EML6: variants seen among roughly 807,000 people sequenced by gnomAD.
EML6 encodes the protein echinoderm microtubule-associated protein-like 6.
Under a neutral mutation model 240.1 loss-of-function variants are expected in EML6, and 154 were observed. That is an observed-to-expected ratio of 0.64 (90% CI 0.56 to 0.73). The LOEUF (loss-of-function observed/expected upper bound fraction) is 0.73. Ranked by LOEUF, EML6 falls within the 30% of genes least tolerant of loss-of-function variation. The probability of loss-of-function intolerance (pLI) is 0.00; values close to 1 mark genes in which losing one functional copy is unlikely to be tolerated. For synonymous variants in EML6, 1,148 were observed against 899.0 expected, an observed-to-expected ratio of 1.28 and a Z score of -4.95; for missense variants, 2,964 against 2,474.6, an observed-to-expected ratio of 1.20 and a Z score of -4.20.
At chr2:54,946,975 G>T (rs1573197658) in intron 28 of EML6, among the ~76,000 whole-genome samples, 1 of 150,556 alleles carries the variant, frequency 6.6e-6, no homozygotes, top group African/African-American at 2.4e-5. Flanking sequence ...ACAATCTCCT[G>T]TATATATAAA....
chr2:54,918,047 T>C (rs1674024573), intron 26 of EML6, among the ~76,000 whole-genome samples: 1 of 152,208 alleles, frequency 6.6e-6, no homozygotes, highest in South Asian at 2.1e-4. Flanking sequence ...TAGACGTCAA[T>C]CTCAAAAATG....
At chr2:54,928,833 C>G (rs181060918) in intron 28 of EML6, 82 bp downstream of exon 28, 8 of 1,479,160 alleles carry the variant, frequency 5.4e-6, no homozygotes, top group Non-Finnish European at 7.4e-6. Context: ...TTTCTTTGCC[C>G]TCAAAGTTGC....
At chr2:54,896,169 A>G (rs1319114268) in intron 21 of EML6, among the ~76,000 whole-genome samples, 1 of 152,188 alleles carries the variant, frequency 6.6e-6, no homozygotes, top group Non-Finnish European at 1.5e-5. Flanking sequence ...GCCTTATCAC[A>G]TTACAGGATC....
chr2:54,923,447 G>A (rs1674373048), intron 26 of EML6, among the ~76,000 whole-genome samples: 2 of 149,776 alleles, frequency 1.3e-5, no homozygotes, highest in South Asian at 2.1e-4. Context: ...TACCTTGATT[G>A]TAGTAATTAT....
chr2:54,816,091 C>G (rs1258648660), intron 3 of EML6, among the ~76,000 whole-genome samples: 4 of 152,192 alleles, frequency 2.6e-5, no homozygotes, highest in Non-Finnish European at 4.4e-5. Flanking sequence ...GTTCAGATTT[C>G]TTACATAATA....
intron 28 of EML6, among the ~76,000 whole-genome samples, chr2:54,936,250 T>C (rs1001024792): frequency 6.6e-6 from 1 of 152,262 alleles, no homozygotes; most frequent in Non-Finnish European, 1.5e-5. Flanking sequence ...ATAATTGATA[T>C]GTAGCATCTA....
intron 39 of EML6, 105 bp from the exon 40 acceptor site, chr2:54,968,023 A>T: frequency 2.6e-6 from 3 of 1,150,042 alleles, no homozygotes; most frequent in Non-Finnish European, 3.7e-6. Flanking sequence ...GGGACCCCTG[A>T]TGTTAAACAT....
intron 28 of EML6, among the ~76,000 whole-genome samples, chr2:54,939,737 A>G (rs1186165341): frequency 6.6e-6 from 1 of 152,134 alleles, no homozygotes; most frequent in Non-Finnish European, 1.5e-5. Context: ...TTCATACAAG[A>G]GATGGTTGTC....
intron 16 of EML6, among the ~76,000 whole-genome samples, chr2:54,877,464 A>G (rs1487040831): frequency 6.6e-6 from 1 of 152,218 alleles, no homozygotes; most frequent in Non-Finnish European, 1.5e-5. Flanking sequence ...AGTCTTAAAA[A>G]AAAGCTTATG....
intron 28 of EML6, among the ~76,000 whole-genome samples, chr2:54,943,626 C>T (rs1008932506): frequency 6.6e-6 from 1 of 152,120 alleles, no homozygotes; most frequent in African/African-American, 2.4e-5. Flanking sequence ...TCCAGTGACT[C>T]TCCTCTCTCT....
At chr2:54,805,882 CCAGCACTGT>C (rs1670445022) in intron 2 of EML6, among the ~76,000 whole-genome samples, 1 of 152,060 alleles carries the variant, frequency 6.6e-6, no homozygotes, top group Non-Finnish European at 1.5e-5. Flanking sequence ...CCTAGTTGTT[CCAGCACTGT>C]CTGTTGAAAA....
At chr2:54,902,773 G>A (rs1377387490) in intron 22 of EML6, among the ~76,000 whole-genome samples, 8 of 152,014 alleles carry the variant, frequency 5.3e-5, no homozygotes, top group Non-Finnish European at 1.2e-4. Context: ...TTAACCTACG[G>A]AATGTGGCCC....
At chr2:54,930,953 CTTTTTTT>C (rs34403438) in intron 28 of EML6, among the ~76,000 whole-genome samples, 1 of 104,620 alleles carries the variant, frequency 9.6e-6, no homozygotes, top group Non-Finnish European at 1.8e-5. Flanking sequence ...CCGTAGGCAT[CTTTTTTT>C]TTTTTTTTTT....
At chr2:54,913,102 A>G (rs760363647) in intron 25 of EML6, among the ~76,000 whole-genome samples, 128 of 146,450 alleles carry the variant, frequency 8.7e-4, no homozygotes, top group Non-Finnish European at 1.5e-3. Flanking sequence ...ACTTTTAATA[A>G]TAGCCATTCT....
intron 5 of EML6, among the ~76,000 whole-genome samples, chr2:54,823,878 T>TCTCTCTCTCTCTCTCTCTCTG (rs60937620): frequency 3.9e-5 from 5 of 129,124 alleles, no homozygotes; most frequent in African/African-American, 1.7e-4. Context: ...CTCTCTCTCT[T>TCTCTCTCTCTCTCTCTCTCTG]TCTGTCTCTC....
intron 26 of EML6, among the ~76,000 whole-genome samples, chr2:54,925,529 C>G (rs192290816): frequency 5.3e-4 from 80 of 152,290 alleles, no homozygotes; most frequent in Admixed American, 4.2e-3. Context: ...ACTATCTTGG[C>G]TCTTTTTCTC....
intron 11 of EML6, among the ~76,000 whole-genome samples, chr2:54,854,214 T>G (rs538230890): frequency 1.3e-5 from 2 of 152,346 alleles, no homozygotes; most frequent in South Asian, 2.1e-4. Context: ...GCTATTGTGC[T>G]TATACATGGA....
At chr2:54,854,373 C>T (rs1219723715) in intron 11 of EML6, among the ~76,000 whole-genome samples, 5 of 151,884 alleles carry the variant, frequency 3.3e-5, no homozygotes, top group Admixed American at 3.3e-4. Context: ...TCAAAGCAAC[C>T]CTCTTTGCCC....
At chr2:54,864,595 T>G (rs1670865394) in intron 13 of EML6, among the ~76,000 whole-genome samples, 1 of 152,252 alleles carries the variant, frequency 6.6e-6, no homozygotes, top group Non-Finnish European at 1.5e-5. Flanking sequence ...AAGCAGATTC[T>G]GTACATGAAT....
Sources: gnomAD v4.1 joint callset for allele counts (sites outside exome capture counted in the v4.1 genomes callset) on GRCh38, gnomAD v4.1.1 for gene constraint, MANE v1.5 for transcripts, NCBI Gene and HGNC (gene_info 2026-07-23, HGNC 2026-07-21) for gene names.